COL4A6: variants seen among roughly 807,000 people sequenced by gnomAD.
The protein encoded by COL4A6 is collagen type IV alpha 6 chain.
In COL4A6, 59 loss-of-function variants were observed where a neutral mutation model predicts 126.7. The observed-to-expected ratio is 0.47, with a 90% CI of 0.38 to 0.58. The LOEUF is 0.58. COL4A6 is among the 20% of genes least tolerant of loss of function. The pLI is 0.00. For synonymous variants in COL4A6, 547 were observed against 496.6 expected (o/e 1.10, Z -1.35); for missense variants, 1,285 against 1,337.3 (o/e 0.96, Z 0.61).
intron 3 of COL4A6, among the ~76,000 whole-genome samples, chrX:108,296,477 T>A (rs2038329368): frequency 8.9e-6 from 1 of 111,775 alleles, no homozygotes; most frequent in East Asian, 2.8e-4. Context: ...GTAAAACTCT[T>A]TATAAAATAT....
At chrX:108,280,133 T>A (rs1414393782) in intron 3 of COL4A6, among the ~76,000 whole-genome samples, 2 of 110,284 alleles carry the variant, frequency 1.8e-5, no homozygotes, top group Non-Finnish European at 1.9e-5. Flanking sequence ...AGGCAAGAAA[T>A]AACTAAAATC....
intron 2 of COL4A6, among the ~76,000 whole-genome samples, chrX:108,320,838 A>AT (rs1351819302): frequency 8.9e-6 from 1 of 111,872 alleles, no homozygotes; most frequent in Non-Finnish European, 1.9e-5. Context: ...ATCTCATTTG[A>AT]TTTTCCACCA....
intron 2 of COL4A6, among the ~76,000 whole-genome samples, chrX:108,330,367 C>T (rs2039267591): frequency 9.0e-6 from 1 of 111,539 alleles, no homozygotes; most frequent in Non-Finnish European, 1.9e-5. Context: ...ATGCACGGCT[C>T]TCCAAGTACT....
intron 2 of COL4A6, among the ~76,000 whole-genome samples, chrX:108,426,785 T>C (rs992846546): frequency 8.9e-6 from 1 of 112,314 alleles, no homozygotes; most frequent in Non-Finnish European, 1.9e-5. Context: ...GTTAATAATA[T>C]ATTTAATGAT....
chrX:108,173,639 T>C (rs1238066168), intron 31 of COL4A6, among the ~76,000 whole-genome samples: 1 of 112,497 alleles, frequency 8.9e-6, no homozygotes, highest in East Asian at 2.8e-4. Flanking sequence ...GAGCCGGCTA[T>C]GTGCCAGACA....
intron 2 of COL4A6, among the ~76,000 whole-genome samples, chrX:108,377,556 CTT>C (rs199647476): frequency 4.4e-4 from 38 of 86,407 alleles, no homozygotes; most frequent in African/African-American, 1.3e-3. Flanking sequence ...AAAAAAATTT[CTT>C]TTTTTTTTTT....
chrX:108,253,744 G>A (rs912963300), intron 3 of COL4A6, among the ~76,000 whole-genome samples: 2 of 111,807 alleles, frequency 1.8e-5, no homozygotes, highest in African/African-American at 6.5e-5. Flanking sequence ...GGACAGGATG[G>A]AACGTATCCA....
chrX:108,187,373 A>T, intron 22 of COL4A6, 94 bp from the exon 23 acceptor site: 1 of 735,015 alleles, frequency 1.4e-6, no homozygotes, highest in Non-Finnish European at 1.9e-6. Context: ...AGTGTGACCA[A>T]TGCTTTGTGT....
intron 2 of COL4A6, among the ~76,000 whole-genome samples, chrX:108,430,505 G>A (rs1297359724): frequency 8.9e-6 from 1 of 111,803 alleles, no homozygotes; most frequent in Non-Finnish European, 1.9e-5. Flanking sequence ...ACCATAATTG[G>A]GTTTGTTGTT....
At chrX:108,206,270 G>C (rs765539133) in intron 9 of COL4A6, 95 of 480,091 alleles carry the variant, frequency 2.0e-4, no homozygotes, top group Admixed American at 6.9e-4. Context: ...GCCATCCCTG[G>C]GCTATACTTT....
chrX:108,268,248 T>A (rs1399390792), intron 3 of COL4A6: 1 of 112,253 alleles, frequency 8.9e-6, no homozygotes, highest in Non-Finnish European at 1.9e-5. Flanking sequence ...AATCAATAGA[T>A]GCCATAGTCT....
chrX:108,237,655 G>A (rs1045377526), intron 3 of COL4A6, among the ~76,000 whole-genome samples: 9 of 111,788 alleles, frequency 8.1e-5, no homozygotes, highest in African/African-American at 2.9e-4. Flanking sequence ...AAAGAGCCAA[G>A]TTAATTACAT....
At chrX:108,414,945 T>C (rs756129971) in intron 2 of COL4A6, among the ~76,000 whole-genome samples, 4 of 111,906 alleles carry the variant, frequency 3.6e-5, no homozygotes, top group Non-Finnish European at 5.6e-5. Flanking sequence ...TTCAGATAAA[T>C]GTAAGATTAA....
At chrX:108,243,281 C>T (rs1178422248) in intron 3 of COL4A6, among the ~76,000 whole-genome samples, 1 of 106,566 alleles carries the variant, frequency 9.4e-6, no homozygotes, top group Non-Finnish European at 1.9e-5. Flanking sequence ...GTGTTCCCTT[C>T]AAATTCATAT....
intron 42 of COL4A6, 36 bp downstream of exon 42, chrX:108,161,583 C>T: frequency 1.5e-6 from 1 of 673,833 alleles, no homozygotes; most frequent in Non-Finnish European, 2.2e-6. Flanking sequence ...ACCACCATCC[C>T]CGCCCCGCCC....
At chrX:108,237,248 C>T (rs1198171245) in intron 3 of COL4A6, among the ~76,000 whole-genome samples, 1 of 111,412 alleles carries the variant, frequency 9.0e-6, no homozygotes, top group Non-Finnish European at 1.9e-5. Context: ...TCCTATTGCT[C>T]TCCTGCTCAA....
chrX:108,209,945 C>T (rs763137209), intron 8 of COL4A6, 24 bp downstream of exon 8: 2 of 1,205,968 alleles, frequency 1.7e-6, no homozygotes, highest in South Asian at 3.6e-5. Context: ...ACACTGAGAG[C>T]TCAACACATA....
chrX:108,349,244 C>G (rs58022657), intron 2 of COL4A6, among the ~76,000 whole-genome samples: 6,829 of 111,615 alleles, frequency 0.061, 214 homozygotes, highest in Middle Eastern at 0.093. Context: ...TTAGAGTCAA[C>G]CCAAGTTTAG....
intron 2 of COL4A6, among the ~76,000 whole-genome samples, chrX:108,432,681 C>T (rs934093512): frequency 2.2e-4 from 24 of 110,439 alleles, no homozygotes; most frequent in African/African-American, 7.6e-4. Context: ...ACTCAAAATA[C>T]AAAAATTAGC....
Sources: allele counts gnomAD v4.1 joint callset (sites outside exome capture counted in the v4.1 genomes callset), GRCh38; gene constraint gnomAD v4.1.1; transcripts MANE v1.5; gene names NCBI Gene and HGNC (gene_info 2026-07-23, HGNC 2026-07-21).